GTF2A2: variants seen among roughly 807,000 people sequenced by gnomAD.
GTF2A2 encodes the protein general transcription factor IIA subunit 2.
GTF2A2 carries 9 observed loss-of-function variants against 14.3 expected under a neutral mutation model. That is an observed-to-expected ratio of 0.63 (90% CI 0.38 to 1.10). The LOEUF (loss-of-function observed/expected upper bound fraction) is 1.10, where lower values mean the gene tolerates loss of function less well. GTF2A2 is among the 50% of genes least tolerant of loss of function. GTF2A2 has a pLI of 0.01. For missense variants in GTF2A2, 90 were observed against 124.6 expected, an observed-to-expected ratio of 0.72 and a Z score of 1.32; for synonymous variants, 56 against 46.0, an observed-to-expected ratio of 1.22 and a Z score of -0.88.
chr15:59,644,691 T>A (rs1205602791), intron 3 of GTF2A2, among the ~76,000 whole-genome samples: 2 of 152,062 alleles, frequency 1.3e-5, no homozygotes, highest in African/African-American at 4.8e-5. Context: ...AAAAGTGAAG[T>A]TTAAGTTGAG....
chr15:59,645,055 A>G (rs1891556922), intron 3 of GTF2A2, among the ~76,000 whole-genome samples: 1 of 152,200 alleles, frequency 6.6e-6, no homozygotes, highest in Non-Finnish European at 1.5e-5. Flanking sequence ...ATAGAAATGG[A>G]GAGACTTTTA....
chr15:59,639,898 G>GTACCACCATGCCTGGCTAATTTTTGTAT (rs1566923064), intron 4 of GTF2A2, among the ~76,000 whole-genome samples: 11 of 152,134 alleles, frequency 7.2e-5, no homozygotes, highest in African/African-American at 2.4e-4. Flanking sequence ...TTACAGGCGG[G>GTACCACCATGCCTGGCTAATTTTTGTAT]TACCACCATG....
At chr15:59,656,424 T>TTC (rs1293769314) in intron 1 of GTF2A2, among the ~76,000 whole-genome samples, 30 of 91,328 alleles carry the variant, frequency 3.3e-4, no homozygotes, top group Middle Eastern at 0.013. Context: ...TCCTTTATAT[T>TTC]TCTCTTTTTT....
intron 1 of GTF2A2, among the ~76,000 whole-genome samples, chr15:59,654,745 A>G (rs1325461359): frequency 1.3e-5 from 2 of 152,218 alleles, no homozygotes; most frequent in Non-Finnish European, 2.9e-5. Context: ...AACTGCAGCA[A>G]TAACTTCCAG....
At position 59,642,169 on chromosome 15, in the gene GTF2A2, C is replaced by T; in HGVS notation, c.271G>A (p.Asp91Asn). The T allele has an allele frequency of 6.2e-7, 1 of 1,608,804 alleles. No homozygotes were observed. Among genetic ancestry groups the T allele is most frequent in the Non-Finnish European group, 8.5e-7 (1 of 1,177,676 alleles). The change falls in exon 4 of 5, where the codon GAT becomes AAT. Residue 91 changes from aspartate to asparagine, a missense_variant. Transcript: ENST00000396060. Reference sequence around the variant, plus strand: ...TCACAGGCTACAATTTTCACTTTATCCACTTTAATAAGTTCTGTCACCTCT... The same window carrying T: ...TCACAGGCTACAATTTTCACTTTATTCACTTTAATAAGTTCTGTCACCTCT... ...FREVTELIKV[D>N]KVKIVACDGK...
At chr15:59,650,875 C>T in intron 2 of GTF2A2, 102 bp from the exon 3 acceptor site, 3 of 654,834 alleles carry the variant, frequency 4.6e-6, no homozygotes, top group Non-Finnish European at 5.3e-6. Context: ...TGAGGTTAAC[C>T]AAAGCCTCTA....
intron 2 of GTF2A2, chr15:59,651,172 T>G (rs1346010230): frequency 3.3e-5 from 5 of 149,844 alleles, no homozygotes; most frequent in South Asian, 2.1e-4. Context: ...CTTAATATGT[T>G]TTTTTTTTTT....
At chr15:59,653,441 T>C (rs1891854338) in intron 1 of GTF2A2, among the ~76,000 whole-genome samples, 2 of 152,198 alleles carry the variant, frequency 1.3e-5, no homozygotes, top group Admixed American at 1.3e-4. Context: ...CAACAGATCA[T>C]TTCTGCCTTC....
intron 3 of GTF2A2, among the ~76,000 whole-genome samples, chr15:59,644,585 A>G (rs924230601): frequency 6.6e-6 from 1 of 152,252 alleles, no homozygotes; most frequent in Non-Finnish European, 1.5e-5. Context: ...AATACGTAGT[A>G]TAACAGTGCT....
chr15:59,639,309 GTAAA>G, intron 4 of GTF2A2, 152 bp from the exon 5 acceptor site: 1 of 636,654 alleles, frequency 1.6e-6, no homozygotes, highest in East Asian at 2.7e-5. Context: ...AGGTGACACT[GTAAA>G]TATGTTGAAC....
chr15:59,641,986 G>A, intron 4 of GTF2A2, 150 bp downstream of exon 4: 1 of 577,984 alleles, frequency 1.7e-6, no homozygotes, highest in African/African-American at 1.9e-5. Flanking sequence ...TATGTAATCA[G>A]AATTTAGTGG....
chr15:59,641,181 C>CTTTTT lies in GTF2A2; in HGVS notation c.304+950_304+954dup, dbSNP rs374075324. Among the ~76,000 whole-genome samples the CTTTTT allele has an allele frequency of 4.5e-4, 63 of 141,376 alleles. 1 individual carries two copies. The Middle Eastern group carries it at 0.011, about 24-fold the overall frequency. 92.7% of individuals were successfully genotyped at this position (141,376 alleles called of 152,430 possible). Reference sequence around the variant, plus strand: ...CCAGCCTGGGCAATACAGCAAGACTCTTTTTTTTTTTTTTTTTTTAAGGCT... The same window carrying CTTTTT: ...CCAGCCTGGGCAATACAGCAAGACTCTTTTTTTTTTTTTTTTTTTTTTTTAAGGCT... On this transcript the variant is annotated intron_variant, in intron 4 of 4. Transcript: ENST00000396060.
At chr15:59,639,536 C>T (rs1891320879) in intron 4 of GTF2A2, among the ~76,000 whole-genome samples, 1 of 150,282 alleles carries the variant, frequency 6.7e-6, no homozygotes. Context: ...TCTTGGCTCA[C>T]TGCAGGCTCT....
intron 3 of GTF2A2, among the ~76,000 whole-genome samples, chr15:59,649,038 CA>C (rs1395189147): frequency 6.6e-6 from 1 of 152,156 alleles, no homozygotes; most frequent in Non-Finnish European, 1.5e-5. Context: ...GCTAGGTCAG[CA>C]AATTATACAT....
intron 4 of GTF2A2, among the ~76,000 whole-genome samples, chr15:59,640,735 T>C (rs1003704277): frequency 1.3e-5 from 2 of 152,180 alleles, no homozygotes; most frequent in Non-Finnish European, 2.9e-5. Flanking sequence ...TAACAAGGGT[T>C]ACGAGGATGC....
intron 4 of GTF2A2, among the ~76,000 whole-genome samples, chr15:59,641,179 CTCTTTTT>C (rs1891409125): frequency 1.3e-5 from 1 of 77,786 alleles, no homozygotes; most frequent in Admixed American, 1.3e-4. Flanking sequence ...TACAGCAAGA[CTCTTTTT>C]TTTTTTTTTT....
intron 2 of GTF2A2, chr15:59,651,938 C>T (rs1891805702): frequency 3.5e-6 from 1 of 286,486 alleles, no homozygotes; most frequent in Admixed American, 4.8e-5. Flanking sequence ...TCCACCTTGT[C>T]CTCCTAAAGT....
At chr15:59,643,455 A>G (rs1370113039) in intron 3 of GTF2A2, among the ~76,000 whole-genome samples, 1 of 150,682 alleles carries the variant, frequency 6.6e-6, no homozygotes, top group African/African-American at 2.4e-5. Flanking sequence ...GGCCTCAAGC[A>G]ATCCTCCCGC....
At chr15:59,640,485 G>C (rs1426988265) in intron 4 of GTF2A2, among the ~76,000 whole-genome samples, 1 of 152,138 alleles carries the variant, frequency 6.6e-6, no homozygotes, top group African/African-American at 2.4e-5. Context: ...GTAACCACTG[G>C]CTAGCCATAT....
Sources: allele counts gnomAD v4.1 joint callset (sites outside exome capture counted in the v4.1 genomes callset), GRCh38; gene constraint gnomAD v4.1.1; transcripts MANE v1.5; gene names NCBI Gene and HGNC (gene_info 2026-07-23, HGNC 2026-07-21).